Variants in CABP1 observed in about 807,000 individuals in gnomAD.
The protein encoded by CABP1 is calcium binding protein 1.
Under a neutral mutation model 34.3 loss-of-function variants are expected in CABP1, and 17 were observed. The observed-to-expected ratio is 0.50, with a 90% confidence interval of 0.34 to 0.74. CABP1 has a LOEUF of 0.74. Ranked by LOEUF, CABP1 falls within the 30% of genes least tolerant of loss-of-function variation. The pLI, the probability that CABP1 is intolerant of heterozygous loss-of-function variation, is 0.01. For synonymous variants in CABP1, 198 were observed against 229.2 expected (o/e 0.86, Z 1.23); for missense variants, 373 against 511.1 (o/e 0.73, Z 2.61).
At position 120,640,706 on chromosome 12, in the gene CABP1, C is replaced by G. The variant is rs945826312; in HGVS notation, c.21C>G (p.Ala7=). The part of the protein sequence containing the change: MGGGDG[A]AFKRPGDGAR... ...GTCACATGGGCGGCGGCGACGGGGC[C>G]GCATTTAAGCGGCCGGGGGACGGCG... Residue 7 remains alanine, a synonymous_variant, in exon 1 of 6, where the codon GCC becomes GCG. Transcript: ENST00000316803. The surrounding 1 kb of genome is among the most constrained non-coding windows in gnomAD (Gnocchi z 6.2). 2.6e-6 allele frequency: 3 copies of G among 1,170,136 alleles called. No individual in the cohort carries two copies. The highest frequency in any genetic ancestry group is 3.2e-6 in the Non-Finnish European group (3 of 948,480). The allele number at this position is 1,170,136 out of a possible 1,614,324, so 72.5% of individuals were successfully genotyped here.
downstream of CABP1, among the ~76,000 whole-genome samples, chr12:120,671,306 G>C (rs1881245098): frequency 6.6e-6 from 1 of 152,214 alleles, no homozygotes; most frequent in African/African-American, 2.4e-5. Context: ...TCGGGAGGCT[G>C]AGCAGGAGAA....
At chr12:120,654,512 G>C (rs999096763) in intron 1 of CABP1, among the ~76,000 whole-genome samples, 2 of 152,206 alleles carry the variant, frequency 1.3e-5, no homozygotes, top group African/African-American at 4.8e-5. Flanking sequence ...CAGTAGGATG[G>C]AAGGATAGGG....
At chr12:120,643,534 C>T (rs1879430992) in intron 1 of CABP1, among the ~76,000 whole-genome samples, 1 of 152,204 alleles carries the variant, frequency 6.6e-6, no homozygotes, top group African/African-American at 2.4e-5. Context: ...CATGACTCCC[C>T]AAGTTTCATT....
the CABP1 span, among the ~76,000 whole-genome samples, chr12:120,678,966 G>T: frequency 0.024 from 3,572 of 151,480 alleles, 143 homozygotes; most frequent in African/African-American, 0.082. Context: ...GCAGCTACTT[G>T]GGAGGCTGAG....
downstream of CABP1, among the ~76,000 whole-genome samples, chr12:120,669,062 T>C (rs1881155467): frequency 7.0e-6 from 1 of 143,516 alleles, no homozygotes; most frequent in South Asian, 2.5e-4. Context: ...CAAGGGAGGC[T>C]GGTGTGCCTC....
the CABP1 span, among the ~76,000 whole-genome samples, chr12:120,676,468 C>A: frequency 6.6e-6 from 1 of 151,920 alleles, no homozygotes; most frequent in African/African-American, 2.4e-5. Context: ...GCTCTTGTTG[C>A]CCAGGCTGGA....
At position 120,640,964 on chromosome 12, in the gene CABP1, C is replaced by T. The variant is rs1879291575; in HGVS notation, c.279C>T (p.Asp93=). ...CTCCCCGCCACGGCCCTGCCCGGGA[C>T]CCGGGGCTGCCTAGCCGCCGGCTAC... ...SRAPRHGPAR[D]PGLPSRRLPG... is the part of the protein sequence containing the mutation. Residue 93 remains aspartate (D), a synonymous_variant, in exon 1 of 6, where the codon GAC becomes GAT. Transcript: ENST00000316803. This position sits in a 1 kb window ranked among gnomAD's most constrained non-coding sequence, Gnocchi z 6.2. 8.7e-7 allele frequency: 1 copy of T among 1,144,026 alleles called. No individual in the cohort carries two copies. 70.9% of individuals were successfully genotyped at this position (1,144,026 alleles called of 1,614,324 possible). A position where few individuals can be genotyped will look rare whatever the true frequency, so the allele number is the denominator to read the frequency against.
chr12:120,670,591 T>C (rs1451135688), downstream of CABP1, among the ~76,000 whole-genome samples: 1 of 152,000 alleles, frequency 6.6e-6, no homozygotes, highest in Non-Finnish European at 1.5e-5. Flanking sequence ...CTACTAAAAA[T>C]ACAAAAATTA....
At position 120,660,138 on chromosome 12, in the gene CABP1, C is replaced by A. The variant is rs967544322; in HGVS notation, c.686-58C>A. On this transcript the variant is annotated intron_variant, in intron 2 of 5. Coordinates refer to ENST00000316803, the MANE Select transcript of CABP1 (RefSeq NM_001033677.2). This position sits in a 1 kb window ranked among gnomAD's most constrained non-coding sequence, Gnocchi z 5.0. ...CGGTGGGCCTTTGGGCTGCCTTTGC[C>A]CACAGAGGCTCTGCGGGTCCTACCC... 1 of 1,601,536 alleles carries A rather than the reference C, an allele frequency of 6.2e-7. No homozygotes were observed. The highest frequency in any genetic ancestry group is 1.3e-5 in the African/African-American group (1 of 74,614).
chr12:120,641,142 G>T lies in CABP1; in HGVS notation c.457G>T (p.Ala153Ser). The T allele has an allele frequency of 3.2e-6, 4 of 1,234,980 alleles. No individual in the cohort carries two copies. The highest frequency in any genetic ancestry group is 4.0e-6 in the Non-Finnish European group (4 of 991,620). 76.5% of individuals were successfully genotyped at this position (1,234,980 alleles called of 1,614,324 possible). A position where few individuals can be genotyped will look rare whatever the true frequency, so the allele number is the denominator to read the frequency against. ...CRPREALPAA[A>S]SRPSPSSPLP... Reference sequence around the variant, plus strand: ...GCCCCGGGAGGCGCTGCCGGCCGCGGCGTCCCGACCTTCGCCGTCGTCGCC... The same window carrying T: ...GCCCCGGGAGGCGCTGCCGGCCGCGTCGTCCCGACCTTCGCCGTCGTCGCC... Residue 153 changes from alanine (A) to serine (S), a missense_variant, in exon 1 of 6, where the codon GCG (alanine) becomes TCG (serine). Physicochemically the swap from Ala to Ser is moderately conservative, Grantham distance 99 (BLOSUM62 1). This residue lies in a region of CABP1 where 121 missense variants were observed against 125.5 expected (regional missense o/e 0.96). Transcript: ENST00000316803. This position sits in a 1 kb window ranked among gnomAD's most constrained non-coding sequence, Gnocchi z 6.7.
the CABP1 span, among the ~76,000 whole-genome samples, chr12:120,679,434 G>A: frequency 6.6e-6 from 1 of 152,214 alleles, no homozygotes; most frequent in Admixed American, 6.5e-5. Context: ...ACGTTTTGAG[G>A]TCATTAAGAG....
At position 120,656,146 on chromosome 12, in the gene CABP1, G is replaced by T. The variant is rs758909839; in HGVS notation, c.655-3732G>T. The T allele has an allele frequency of 3.2e-5, 52 of 1,613,966 alleles. 1 individual carries two copies. In the South Asian group the frequency reaches 4.8e-4, roughly 15 times the overall value. On this transcript the variant is annotated intron_variant, in intron 1 of 5. Coordinates refer to ENST00000316803, the MANE Select transcript of CABP1 (RefSeq NM_001033677.2). ...TGGTGGTGCAGACGAGCGAGGAGGGGCTGGCGGCTGACGCCGAGCTCCCGG... is the reference window on the plus strand; with the variant it reads ...TGGTGGTGCAGACGAGCGAGGAGGGTCTGGCGGCTGACGCCGAGCTCCCGG...
intron 1 of CABP1, among the ~76,000 whole-genome samples, chr12:120,657,726 C>T (rs1371671985): frequency 6.6e-6 from 1 of 152,190 alleles, no homozygotes; most frequent in Non-Finnish European, 1.5e-5. Context: ...GGGCACACTC[C>T]GTGAAGGGGC....
intron 1 of CABP1, chr12:120,656,135 A>G: frequency 6.2e-7 from 1 of 1,614,182 alleles, no homozygotes; most frequent in Non-Finnish European, 8.5e-7. Flanking sequence ...GGTGCAGACG[A>G]GCGAGGAGGG....
intron 1 of CABP1, among the ~76,000 whole-genome samples, chr12:120,648,547 C>T (rs902855783): frequency 3.9e-5 from 6 of 152,028 alleles, no homozygotes; most frequent in East Asian, 1.9e-4. Flanking sequence ...TTTCCAGTGG[C>T]GGAAACTGAA....
At chr12:120,657,641 A>G (rs1054006449) in intron 1 of CABP1, among the ~76,000 whole-genome samples, 7 of 152,224 alleles carry the variant, frequency 4.6e-5, no homozygotes, top group African/African-American at 1.7e-4. Context: ...CAGAGAACAC[A>G]CATAGCTACT....
At chr12:120,664,320 G>A (rs1880834163) in intron 5 of CABP1, among the ~76,000 whole-genome samples, 2 of 152,188 alleles carry the variant, frequency 1.3e-5, no homozygotes, top group South Asian at 2.1e-4. Context: ...TTGCAGGGAG[G>A]GATTAGGGAA....
In CABP1 at chr12:120,660,641, C is replaced by A; in HGVS notation, c.830-90C>A. Reference sequence around the variant, plus strand: ...GTTTGTCTCTATCTGATGAGCAGGTCAAGGAGGGGTTGTCCATTCTGTCAG... The same window carrying A: ...GTTTGTCTCTATCTGATGAGCAGGTAAAGGAGGGGTTGTCCATTCTGTCAG... On this transcript the variant is annotated intron_variant, in intron 3 of 5. Transcript: ENST00000316803. This position sits in a 1 kb window ranked among gnomAD's most constrained non-coding sequence, Gnocchi z 5.0. 1 of 897,430 alleles carries A rather than the reference C, an allele frequency of 1.1e-6. No homozygotes were observed. The highest frequency in any genetic ancestry group is 1.4e-5 in the South Asian group (1 of 72,668). 55.6% of individuals were successfully genotyped at this position (897,430 alleles called of 1,614,324 possible).
chr12:120,668,936 G>C (rs1437269264), downstream of CABP1, among the ~76,000 whole-genome samples: 1 of 152,186 alleles, frequency 6.6e-6, no homozygotes, highest in Admixed American at 6.5e-5. Context: ...CAGTGATTCT[G>C]ATCCCATGTC....
Sources: allele counts gnomAD v4.1 joint callset (sites outside exome capture counted in the v4.1 genomes callset), GRCh38; gene constraint gnomAD v4.1.1; regional missense constraint gnomAD v4.1.1; non-coding constraint Gnocchi (gnomAD v3.1); transcripts MANE v1.5; gene names NCBI Gene and HGNC (gene_info 2026-07-23, HGNC 2026-07-21).